Variants in TMEM200A observed in about 807,000 individuals in gnomAD.
The protein encoded by TMEM200A is two transmembrane C.
A neutral mutation model predicts 24.3 loss-of-function variants in TMEM200A; 12 were observed. The ratio of observed to expected loss-of-function variants is 0.49; its 90% confidence interval spans 0.32 to 0.80. The LOEUF (loss-of-function observed/expected upper bound fraction) is 0.80, where lower values mean the gene tolerates loss of function less well. Ranked by LOEUF, TMEM200A falls within the 30% of genes least tolerant of loss-of-function variation. The pLI is 0.04. For missense variants in TMEM200A, 545 were observed against 614.4 expected (o/e 0.89, Z 1.19); for synonymous variants, 224 against 224.4 (o/e 1.00, Z 0.02).
At chr6:130,433,190 G>A (rs1323685120) in intron 2 of TMEM200A, among the ~76,000 whole-genome samples, 1 of 149,486 alleles carries the variant, frequency 6.7e-6, no homozygotes, top group African/African-American at 2.5e-5. Context: ...AGGCTGGAGT[G>A]CAGTGGCAAG....
chr6:130,426,970 A>ATAAG (rs1407043551), intron 2 of TMEM200A, among the ~76,000 whole-genome samples: 4 of 152,210 alleles, frequency 2.6e-5, no homozygotes, highest in African/African-American at 4.8e-5. Flanking sequence ...TGTGTCATAA[A>ATAAG]TAAGTCTTTC....
At position 130,441,126 on chromosome 6, in the gene TMEM200A, A is replaced by G; in HGVS notation, c.704A>G (p.Glu235Gly). The change falls in exon 3 of 3, where the codon GAA becomes GGA. Residue 235 changes from glutamate to glycine, a missense_variant. Glu to Gly is a moderately conservative substitution (Grantham distance 98, BLOSUM62 -2). Coordinates refer to ENST00000296978, the MANE Select transcript of TMEM200A (RefSeq NM_001258277.2). ...SVEEDELMLNEGKSSGHLMPP... is the reference protein window; with the variant it reads ...SVEEDELMLNGGKSSGHLMPP... ...GAGGAGGATGAACTTATGTTAAATG[A>G]AGGTAAGAGTTCTGGGCATCTTATG... The G allele has an allele frequency of 6.2e-7, 1 of 1,614,024 alleles. No individual in the cohort carries two copies. Among genetic ancestry groups the G allele is most frequent in the Non-Finnish European group, 8.5e-7 (1 of 1,179,982 alleles).
chr6:130,431,627 C>T (rs1779877132), intron 2 of TMEM200A, among the ~76,000 whole-genome samples: 1 of 152,132 alleles, frequency 6.6e-6, no homozygotes, highest in South Asian at 2.1e-4. Flanking sequence ...CCCACAGGGT[C>T]TCAGCAGGGT....
chr6:130,401,137 G>A (rs1453669337), intron 2 of TMEM200A, among the ~76,000 whole-genome samples: 2 of 151,996 alleles, frequency 1.3e-5, no homozygotes, highest in African/African-American at 2.4e-5. Flanking sequence ...CAGCAATTCT[G>A]TGTCTTTCTA....
At chr6:130,396,158 C>T (rs759467600) in intron 2 of TMEM200A, among the ~76,000 whole-genome samples, 12 of 152,032 alleles carry the variant, frequency 7.9e-5, no homozygotes, top group East Asian at 3.8e-4. Flanking sequence ...TTATCTATTA[C>T]GTTAGTATTT....
At chr6:130,423,550 CA>C (rs1194689219) in intron 2 of TMEM200A, among the ~76,000 whole-genome samples, 2 of 147,284 alleles carry the variant, frequency 1.4e-5, no homozygotes, top group African/African-American at 2.7e-5. Context: ...AATATACATA[CA>C]AATGTTGCTA....
chr6:130,382,683 T>C (rs1047904167), intron 1 of TMEM200A, among the ~76,000 whole-genome samples: 1 of 152,216 alleles, frequency 6.6e-6, no homozygotes, highest in Non-Finnish European at 1.5e-5. Context: ...TGAAAGATTT[T>C]TTTTTCCTTT....
chr6:130,369,649 G>T (rs1024064303), intron 1 of TMEM200A, among the ~76,000 whole-genome samples: 1 of 152,292 alleles, frequency 6.6e-6, no homozygotes, highest in South Asian at 2.1e-4. Flanking sequence ...AGAGCTTTTA[G>T]TGATGCTGGA....
intron 2 of TMEM200A, among the ~76,000 whole-genome samples, chr6:130,392,483 T>C (rs1198770230): frequency 1.3e-5 from 2 of 152,206 alleles, no homozygotes; most frequent in Non-Finnish European, 2.9e-5. Flanking sequence ...CTTGATCCTT[T>C]TTTACCCAAA....
At chr6:130,377,797 G>A (rs1471019016) in intron 1 of TMEM200A, among the ~76,000 whole-genome samples, 1 of 152,044 alleles carries the variant, frequency 6.6e-6, no homozygotes, top group African/African-American at 2.4e-5. Context: ...ATTCCAGCTG[G>A]GGAAGACAGA....
In TMEM200A at chr6:130,441,583, C is replaced by T. The variant is rs1291060041; in HGVS notation, c.1161C>T (p.Ser387=). The change falls in exon 3 of 3, where the codon TCC becomes TCT. Residue 387 remains serine, a synonymous_variant. Coordinates refer to ENST00000296978, the MANE Select transcript of TMEM200A (RefSeq NM_001258277.2). The stretch of plus-strand genomic sequence containing the variant: ...GAAGACAGTTTGGGTCCAATACATC[C>T]TTGCATTTGCTCTCGTCACACTCAA... ...AARRQFGSNT[S]LHLLSSHSKS... 6.2e-6 allele frequency: 10 copies of T among 1,613,956 alleles called. No individual in the cohort carries two copies. Among genetic ancestry groups the T allele is most frequent in the Non-Finnish European group, 8.5e-6 (10 of 1,180,006 alleles).
intron 1 of TMEM200A, among the ~76,000 whole-genome samples, chr6:130,374,028 C>CTT (rs1359213327): frequency 9.6e-6 from 1 of 104,110 alleles, no homozygotes; most frequent in Admixed American, 9.1e-5. Flanking sequence ...TAAAAATTTA[C>CTT]TTATGTTTCT....
chr6:130,425,532 A>AATAATAT (rs1197073748), intron 2 of TMEM200A, among the ~76,000 whole-genome samples: 2 of 152,204 alleles, frequency 1.3e-5, no homozygotes, highest in African/African-American at 4.8e-5. Flanking sequence ...TAAATATATT[A>AATAATAT]AAGCAAAGGA....
At chr6:130,399,045 T>TA (rs879496494) in intron 2 of TMEM200A, among the ~76,000 whole-genome samples, 13 of 152,066 alleles carry the variant, frequency 8.5e-5, no homozygotes, top group Non-Finnish European at 1.5e-5. Context: ...ACTTCAATGA[T>TA]AGTTTAGCTA....
chr6:130,373,402 G>A (rs1166868331), intron 1 of TMEM200A, among the ~76,000 whole-genome samples: 2 of 152,036 alleles, frequency 1.3e-5, no homozygotes, highest in Admixed American at 1.3e-4. Flanking sequence ...TAACATTTTG[G>A]CATTTTCTTT....
At chr6:130,369,554 G>A (rs1405821398) in intron 1 of TMEM200A, among the ~76,000 whole-genome samples, 1 of 152,176 alleles carries the variant, frequency 6.6e-6, no homozygotes, top group African/African-American at 2.4e-5. Flanking sequence ...CCTGTTCTGT[G>A]CCCACTCCTC....
chr6:130,367,849 T>C (rs1778223337), intron 1 of TMEM200A, among the ~76,000 whole-genome samples: 3 of 152,186 alleles, frequency 2.0e-5, no homozygotes, highest in Admixed American at 6.5e-5. Flanking sequence ...TCCTACTAGA[T>C]AGCTCATAAT....
rs1411073724 is a variant in TMEM200A, at chr6:130,367,000, A to G, written c.-81+476A>G. Among the ~76,000 whole-genome samples the G allele has an allele frequency of 6.6e-6, 1 of 152,262 alleles. No homozygotes were observed. Among genetic ancestry groups the G allele is most frequent in the Non-Finnish European group, 1.5e-5 (1 of 68,046 alleles). ...CCCTGTAGTCTTGTCTGTAAGAGAA[A>G]GGACTGAGGGCTTCTAAGATTTGCT... On this transcript the variant is annotated intron_variant, in intron 1 of 2. Transcript: ENST00000296978. This position sits in a 1 kb window ranked among gnomAD's most constrained non-coding sequence, Gnocchi z 4.4.
intron 1 of TMEM200A, among the ~76,000 whole-genome samples, chr6:130,373,715 A>T (rs1401961725): frequency 6.6e-6 from 1 of 152,176 alleles, no homozygotes; most frequent in Non-Finnish European, 1.5e-5. Flanking sequence ...ATATATGTTT[A>T]TCAGATTACT....
Sources: allele counts gnomAD v4.1 joint callset (sites outside exome capture counted in the v4.1 genomes callset), GRCh38; gene constraint gnomAD v4.1.1; non-coding constraint Gnocchi (gnomAD v3.1); transcripts MANE v1.5; gene names NCBI Gene and HGNC (gene_info 2026-07-23, HGNC 2026-07-21).